The following CALN1 variants were observed in gnomAD, a reference collection of about 807,000 sequenced individuals.
CALN1 encodes the protein calcium-binding protein 8.
Under a neutral mutation model 30.6 loss-of-function variants are expected in CALN1, and 17 were observed. The ratio of observed to expected loss-of-function variants is 0.56; its 90% CI spans 0.38 to 0.83. The LOEUF (loss-of-function observed/expected upper bound fraction) is 0.83, where lower values mean the gene tolerates loss of function less well. Ranked by LOEUF, CALN1 falls within the 40% of genes least tolerant of loss-of-function variation. The pLI is 0.00. For missense variants in CALN1, 291 were observed against 354.9 expected (o/e 0.82, Z 1.45); for synonymous variants, 156 against 131.4 (o/e 1.19, Z -1.28).
intron 5 of CALN1, among the ~76,000 whole-genome samples, chr7:71,975,816 A>G (rs1798074143): frequency 6.6e-6 from 1 of 151,274 alleles, no homozygotes; most frequent in Non-Finnish European, 1.5e-5. Context: ...CCCTCCATGC[A>G]CTAACTTTCA....
At chr7:72,351,616 G>A (rs1456894312) in intron 2 of CALN1, among the ~76,000 whole-genome samples, 2 of 152,070 alleles carry the variant, frequency 1.3e-5, no homozygotes, top group East Asian at 3.9e-4. Context: ...TCCATGAAGT[G>A]GTATAGTATC....
intron 3 of CALN1, among the ~76,000 whole-genome samples, chr7:72,219,088 T>C (rs1027418016): frequency 1.3e-5 from 2 of 152,196 alleles, no homozygotes; most frequent in Non-Finnish European, 2.9e-5. Context: ...TTTGGGAATA[T>C]GTATTCATTA....
At chr7:72,345,153 C>CAA (rs1206449957) in intron 2 of CALN1, among the ~76,000 whole-genome samples, 1 of 148,666 alleles carries the variant, frequency 6.7e-6, no homozygotes, top group Non-Finnish European at 1.5e-5. Context: ...TATACAATGC[C>CAA]AAAAGAAAAG....
intron 2 of CALN1, among the ~76,000 whole-genome samples, chr7:72,310,325 A>T (rs1389769470): frequency 6.6e-6 from 1 of 150,546 alleles, no homozygotes; most frequent in Non-Finnish European, 1.5e-5. Context: ...TATGATCCAG[A>T]AGATACTTAT....
intron 5 of CALN1, among the ~76,000 whole-genome samples, chr7:72,020,777 A>G (rs1420723631): frequency 1.3e-5 from 2 of 152,246 alleles, no homozygotes; most frequent in Non-Finnish European, 2.9e-5. Context: ...CAGGCAGTCC[A>G]TATATTGTAA....
chr7:72,364,090 T>C (rs992941411), intron 2 of CALN1, among the ~76,000 whole-genome samples: 2 of 151,532 alleles, frequency 1.3e-5, no homozygotes, highest in Non-Finnish European at 2.9e-5. Context: ...TTTACTATAA[T>C]GGAGAAAATT....
In CALN1 at chr7:71,913,081, C is replaced by T. The variant is rs541455536; in HGVS notation, c.502-102589G>A. ...TGCGAGTGTTTATCTACTTCGTCAA[C>T]TTTAATAGGAAAAGAACAAGACCAG... On this transcript the variant is annotated intron_variant, in intron 5 of 6. Coordinates refer to ENST00000395275, the MANE Select transcript of CALN1 (RefSeq NM_031468.4). Among the ~76,000 whole-genome samples the T allele has an allele frequency of 2.0e-5, 3 of 152,266 alleles. No homozygotes were observed. The East Asian group carries it at 5.8e-4, about 29-fold the overall frequency.
chr7:71,923,505 A>C (rs958570327), intron 5 of CALN1, among the ~76,000 whole-genome samples: 4 of 152,172 alleles, frequency 2.6e-5, no homozygotes, highest in African/African-American at 9.6e-5. Flanking sequence ...TCCAGACAGG[A>C]GTCTCACTCT....
At chr7:71,883,424 G>A (rs1792704292) in intron 5 of CALN1, among the ~76,000 whole-genome samples, 1 of 152,132 alleles carries the variant, frequency 6.6e-6, no homozygotes, top group African/African-American at 2.4e-5. Flanking sequence ...CAGAGCCTCA[G>A]AACTCAGTAG....
At chr7:71,884,455 C>T (rs1792777105) in intron 5 of CALN1, among the ~76,000 whole-genome samples, 1 of 151,758 alleles carries the variant, frequency 6.6e-6, no homozygotes, top group African/African-American at 2.4e-5. Context: ...CCAACAGAAG[C>T]CACAGACCCT....
At chr7:72,050,591 A>C (rs1802772251) in intron 4 of CALN1, among the ~76,000 whole-genome samples, 1 of 152,232 alleles carries the variant, frequency 6.6e-6, no homozygotes, top group Non-Finnish European at 1.5e-5. Context: ...TCAATGAAGA[A>C]TACAAATGCA....
intron 5 of CALN1, among the ~76,000 whole-genome samples, chr7:71,923,099 A>G (rs1159450480): frequency 6.6e-6 from 1 of 151,902 alleles, no homozygotes; most frequent in Non-Finnish European, 1.5e-5. Flanking sequence ...GAAATGGGTA[A>G]TTTTGGGTAC....
chr7:71,993,764 A>G (rs1799088780), intron 5 of CALN1, among the ~76,000 whole-genome samples: 1 of 152,056 alleles, frequency 6.6e-6, no homozygotes, highest in Admixed American at 6.6e-5. Context: ...GCCTGAGGAT[A>G]TAAATATTAA....
At chr7:71,920,889 TA>T (rs1035569945) in intron 5 of CALN1, among the ~76,000 whole-genome samples, 1 of 152,144 alleles carries the variant, frequency 6.6e-6, no homozygotes, top group Non-Finnish European at 1.5e-5. Flanking sequence ...CATTCTACAA[TA>T]AATACACATG....
At chr7:72,264,505 T>A (rs1022902047) in intron 3 of CALN1, among the ~76,000 whole-genome samples, 2 of 152,076 alleles carry the variant, frequency 1.3e-5, no homozygotes, top group African/African-American at 4.8e-5. Context: ...GATTTTTTTT[T>A]TTTTTTGAGA....
intron 2 of CALN1, among the ~76,000 whole-genome samples, chr7:72,301,849 G>C (rs1799284696): frequency 6.6e-6 from 1 of 152,090 alleles, no homozygotes; most frequent in Non-Finnish European, 1.5e-5. Flanking sequence ...TCTTATCACA[G>C]CCCATCACAT....
chr7:71,900,613 C>T (rs992987492), intron 5 of CALN1, among the ~76,000 whole-genome samples: 1 of 152,162 alleles, frequency 6.6e-6, no homozygotes, highest in Admixed American at 6.5e-5. Context: ...AAGAGCAACA[C>T]AAATGGGGCC....
At chr7:71,964,648 G>A (rs1430342598) in intron 5 of CALN1, among the ~76,000 whole-genome samples, 3 of 150,158 alleles carry the variant, frequency 2.0e-5, no homozygotes, top group East Asian at 1.9e-4. Context: ...GCAACAGAGC[G>A]AGACTCTGTC....
At chr7:72,264,891 T>A (rs1035118621) in intron 3 of CALN1, among the ~76,000 whole-genome samples, 1 of 152,176 alleles carries the variant, frequency 6.6e-6, no homozygotes, top group African/African-American at 2.4e-5. Flanking sequence ...TATGTGACCA[T>A]GTGTTCTCAT....
Sources: gnomAD v4.1 joint callset for allele counts (sites outside exome capture counted in the v4.1 genomes callset) on GRCh38, gnomAD v4.1.1 for gene constraint, MANE v1.5 for transcripts, NCBI Gene and HGNC (gene_info 2026-07-23, HGNC 2026-07-21) for gene names.